Variants in SLC3A1 observed in about 807,000 individuals in gnomAD.
SLC3A1 encodes the protein solute carrier family 3 member 1.
A neutral mutation model predicts 60.3 loss-of-function variants in SLC3A1; 78 were observed. That is an observed-to-expected ratio of 1.29 (90% CI 1.08 to 1.56). The LOEUF is 1.56. Ranked by LOEUF, SLC3A1 falls within the 40% of genes most tolerant of loss-of-function variation. The pLI is 0.00. For synonymous variants in SLC3A1, 392 were observed against 307.9 expected, an observed-to-expected ratio of 1.27 and a Z score of -2.86; for missense variants, 1,172 against 858.9, an observed-to-expected ratio of 1.36 and a Z score of -4.56.
At chr2:44,313,985 G>C (rs747956666) in intron 9 of SLC3A1, 34 bp downstream of exon 9, 14 of 1,613,376 alleles carry the variant, frequency 8.7e-6, no homozygotes, top group South Asian at 3.3e-5. Context: ...GTTGATTCTA[G>C]AAACAAAGAA....
intron 6 of SLC3A1, among the ~76,000 whole-genome samples, chr2:44,302,624 C>T (rs950970644): frequency 2.0e-5 from 3 of 152,192 alleles, no homozygotes; most frequent in Non-Finnish European, 2.9e-5. Flanking sequence ...CAGCATTGAT[C>T]GGAGTCATTT....
intron 7 of SLC3A1, among the ~76,000 whole-genome samples, chr2:44,307,716 G>T (rs748239563): frequency 2.6e-5 from 4 of 152,016 alleles, no homozygotes; most frequent in Non-Finnish European, 5.9e-5. Context: ...TTGTTTAGTT[G>T]TAAGAATTCC....
chr2:44,320,315 C>T lies in SLC3A1; in HGVS notation c.1734C>T (p.His578=), dbSNP rs773188771. The T allele has an allele frequency of 1.2e-6, 2 of 1,614,140 alleles. No individual in the cohort carries two copies. The highest frequency in any genetic ancestry group is 2.2e-5 in the South Asian group (2 of 91,084). Residue 578 remains histidine, a synonymous_variant, in exon 10 of 10, where the codon CAC becomes CAT. Transcript: ENST00000260649. ...TTTGCCATTTGAGGAATGACAGCCACTATGTTGTGTACACAAGAGAGCTGG... is the reference window on the plus strand; with the variant it reads ...TTTGCCATTTGAGGAATGACAGCCATTATGTTGTGTACACAAGAGAGCTGG... ...GWFCHLRNDS[H]YVVYTRELDG...
intron 8 of SLC3A1, among the ~76,000 whole-genome samples, chr2:44,313,261 C>T (rs532790962): frequency 2.6e-5 from 4 of 152,228 alleles, no homozygotes; most frequent in African/African-American, 9.6e-5. Flanking sequence ...TATTTTGTAG[C>T]TACAGATTTC....
chr2:44,304,012 G>C (rs1309946616), intron 6 of SLC3A1, 131 bp from the exon 7 acceptor site: 2 of 770,874 alleles, frequency 2.6e-6, no homozygotes, highest in Non-Finnish European at 4.7e-6. Flanking sequence ...TTTCTAGAAG[G>C]TGCTAGTCCT....
chr2:44,300,309 G>T (rs1042747019), intron 5 of SLC3A1, among the ~76,000 whole-genome samples: 1 of 152,114 alleles, frequency 6.6e-6, no homozygotes, highest in Non-Finnish European at 1.5e-5. Flanking sequence ...ATCCCTTGAG[G>T]AGTCCTTCAG....
intron 1 of SLC3A1, among the ~76,000 whole-genome samples, chr2:44,280,423 G>A (rs1671468642): frequency 1.3e-5 from 2 of 151,974 alleles, no homozygotes; most frequent in Admixed American, 1.3e-4. Context: ...ATTTTTAATA[G>A]AGACGGGGTT....
At chr2:44,302,335 T>C (rs1672034202) in intron 6 of SLC3A1, among the ~76,000 whole-genome samples, 1 of 152,226 alleles carries the variant, frequency 6.6e-6, no homozygotes, top group South Asian at 2.1e-4. Flanking sequence ...GTATATAAAG[T>C]AGTGCCTGGA....
chr2:44,315,162 C>G (rs1672397718), intron 9 of SLC3A1: 1 of 151,938 alleles, frequency 6.6e-6, no homozygotes, highest in African/African-American at 2.4e-5. Flanking sequence ...AGGCTGGTTT[C>G]AAACTCCTGA....
intron 5 of SLC3A1, 31 bp downstream of exon 5, chr2:44,300,121 G>T: frequency 6.2e-7 from 1 of 1,611,014 alleles, no homozygotes; most frequent in Non-Finnish European, 8.5e-7. Flanking sequence ...TTTTTCTTTT[G>T]CCTTTTCTGA....
intron 6 of SLC3A1, among the ~76,000 whole-genome samples, chr2:44,302,036 C>A (rs1173838444): frequency 6.6e-6 from 1 of 152,162 alleles, no homozygotes; most frequent in African/African-American, 2.4e-5. Flanking sequence ...GTCTGGGCAA[C>A]AGAGCAATAC....
At position 44,285,813 on chromosome 2, in the gene SLC3A1, G is replaced by A. The variant is rs138769579; in HGVS notation, c.766-219G>A. 7,379 of 680,052 alleles carry A rather than the reference G, an allele frequency of 0.011. 602 individuals carry two copies. In the Admixed American group the frequency reaches 0.14, roughly 13 times the overall value. 42.1% of individuals were successfully genotyped at this position (680,052 alleles called of 1,614,324 possible). ...TTTGCTGTTGCAGTTGTTACAAACA[G>A]CATCTACTGTAAAAATACGTTGCAA... is the stretch of plus-strand genomic sequence containing the variant. On this transcript the variant is annotated intron_variant, in intron 3 of 9. Coordinates refer to ENST00000260649, the MANE Select transcript of SLC3A1 (RefSeq NM_000341.4).
intron 7 of SLC3A1, among the ~76,000 whole-genome samples, chr2:44,307,049 G>T (rs961117786): frequency 1.3e-5 from 2 of 152,034 alleles, no homozygotes; most frequent in Admixed American, 6.6e-5. Flanking sequence ...CCTACTTTCC[G>T]TGTCTATGGA....
At chr2:44,280,632 C>T in intron 1 of SLC3A1, 84 bp from the exon 2 acceptor site, 1 of 951,732 alleles carries the variant, frequency 1.1e-6, no homozygotes, top group South Asian at 1.5e-5. Context: ...GTAAATATTT[C>T]TATCTTAGGC....
chr2:44,304,238 A>C lies in SLC3A1; in HGVS notation c.1232A>C (p.Asn411Thr). ...CAAGAAGCTGATTTTCCCTTCAACA[A>C]TTACCTCAGCATGCTAGACACTGTT... The part of the protein sequence containing the change: ...FIQEADFPFN[N>T]YLSMLDTVSG... The change falls in exon 7 of 10, where the codon AAT becomes ACT. Residue 411 changes from asparagine (N) to threonine (T), a missense_variant. Physicochemically the swap from Asn to Thr is moderately conservative, Grantham distance 65. Coordinates refer to ENST00000260649, the MANE Select transcript of SLC3A1 (RefSeq NM_000341.4). 6.2e-7 allele frequency: 1 copy of C among 1,614,064 alleles called. No homozygotes were observed.
rs188380353 is a variant in SLC3A1, at chr2:44,310,337, A to G, written c.1333-2249A>G. 1.0e-3 allele frequency among the ~76,000 whole-genome samples: 155 copies of G among 152,368 alleles called. 4 individuals carry two copies. The South Asian group carries it at 0.024, about 23-fold the overall frequency. On this transcript the variant is annotated intron_variant, in intron 7 of 9. Coordinates refer to ENST00000260649, the MANE Select transcript of SLC3A1 (RefSeq NM_000341.4). ...CAACACTTTTCTGTCTTGATTTAAAAAATTATACTCATCATAGTACAAATG... is the reference window on the plus strand; with the variant it reads ...CAACACTTTTCTGTCTTGATTTAAAGAATTATACTCATCATAGTACAAATG...
intron 8 of SLC3A1, 99 bp from the exon 9 acceptor site, chr2:44,313,736 A>T (rs1434196006): frequency 2.0e-6 from 2 of 1,000,716 alleles, no homozygotes; most frequent in African/African-American, 3.2e-5. Context: ...ACTAGCTAAG[A>T]ACTATGGGGA....
chr2:44,301,129 T>C lies in SLC3A1; in HGVS notation c.1136+2T>C, dbSNP rs766198611. On this transcript the variant is annotated splice_donor_variant, in intron 6 of 9. Transcript: ENST00000260649. LOFTEE classifies it high-confidence loss of function. ...CAGCACGGAGCCCGGCAGATACAGG[T>C]TGACCACGGCATATGCTCTCATTTC... 1.9e-4 allele frequency: 246 copies of C among 1,310,770 alleles called. No individual in the cohort carries two copies. The highest frequency in any genetic ancestry group is 2.4e-4 in the Non-Finnish European group (226 of 950,676). 81.2% of individuals were successfully genotyped at this position (1,310,770 alleles called of 1,614,324 possible).
chr2:44,288,172 A>G, intron 4 of SLC3A1, among the ~76,000 whole-genome samples: 1 of 151,964 alleles, frequency 6.6e-6, no homozygotes, highest in East Asian at 1.9e-4. Flanking sequence ...GACTACAGGC[A>G]TGTACCACCA....
Sources: allele counts gnomAD v4.1 joint callset (sites outside exome capture counted in the v4.1 genomes callset), GRCh38; gene constraint gnomAD v4.1.1; transcripts MANE v1.5; gene names NCBI Gene and HGNC (gene_info 2026-07-23, HGNC 2026-07-21).